The following ITGA8 variants were observed in gnomAD, a reference collection of about 807,000 sequenced individuals.
ITGA8 encodes the protein integrin subunit alpha 8, also known as integrin alpha-8.
ITGA8 carries 91 observed loss-of-function variants against 142.3 expected under a neutral mutation model. The ratio of observed to expected loss-of-function variants is 0.64; its 90% confidence interval spans 0.54 to 0.76. The LOEUF (loss-of-function observed/expected upper bound fraction) is 0.76. Among genes scored for constraint, ITGA8 ranks in the 30% least tolerant of loss-of-function variants. ITGA8 has a pLI of 0.00. For missense variants in ITGA8, 1,406 were observed against 1,327.7 expected (o/e 1.06, Z -0.92); for synonymous variants, 505 against 485.2 (o/e 1.04, Z -0.54).
intron 13 of ITGA8, among the ~76,000 whole-genome samples, chr10:15,626,937 C>T (rs552450353): frequency 3.3e-5 from 5 of 152,174 alleles, no homozygotes; most frequent in South Asian, 4.2e-4. Context: ...GGCAGCCTTG[C>T]GATTGACGGA....
chr10:15,689,916 C>G lies in ITGA8; in HGVS notation c.344-1878G>C, dbSNP rs144510356. ...TCCAAACCCACAGAGGAGCTGCACC[C>G]CTTCGGCGCCAGAACCAACTCATAC... On this transcript the variant is annotated intron_variant, in intron 2 of 29. Transcript: ENST00000378076. Among the ~76,000 whole-genome samples the G allele has an allele frequency of 5.2e-3, 790 of 152,298 alleles. 13 individuals are homozygous for G. Among genetic ancestry groups the G allele is most frequent in the African/African-American group, 0.018 (764 of 41,568 alleles).
intron 12 of ITGA8, 88 bp from the exon 13 acceptor site, chr10:15,644,309 C>G: frequency 1.6e-6 from 2 of 1,283,812 alleles, no homozygotes; most frequent in Non-Finnish European, 2.1e-6. Context: ...ACTCTGTCAC[C>G]CAAGCTGGAG....
chr10:15,625,808 C>T (rs961997649), intron 13 of ITGA8, among the ~76,000 whole-genome samples: 3 of 152,138 alleles, frequency 2.0e-5, no homozygotes, highest in Non-Finnish European at 2.9e-5. Flanking sequence ...TATGAGGGTA[C>T]GGGAGTCCTC....
At chr10:15,646,679 C>T (rs894491536) in intron 12 of ITGA8, among the ~76,000 whole-genome samples, 167 bp downstream of exon 12, 1 of 152,056 alleles carries the variant, frequency 6.6e-6, no homozygotes, top group Admixed American at 6.6e-5. Flanking sequence ...TTATATTAGT[C>T]AAAATGTATA....
At chr10:15,692,375 A>G (rs1417658) in intron 2 of ITGA8, among the ~76,000 whole-genome samples, 140,612 of 152,276 alleles carry the variant, frequency 0.92, 65,548 homozygotes, top group East Asian at 1. Flanking sequence ...GACATTTCAC[A>G]ACTTAAAAGA....
intron 22 of ITGA8, among the ~76,000 whole-genome samples, chr10:15,587,794 T>G (rs1298121607): frequency 2.6e-5 from 4 of 152,338 alleles, no homozygotes; most frequent in African/African-American, 9.6e-5. Flanking sequence ...CTGGGGTTTT[T>G]TCTCTCCAGC....
chr10:15,520,655 C>T (rs1833046731), intron 28 of ITGA8, among the ~76,000 whole-genome samples: 1 of 152,234 alleles, frequency 6.6e-6, no homozygotes, highest in African/African-American at 2.4e-5. Context: ...AGGAGAGACC[C>T]AGCCATGCTG....
intron 26 of ITGA8, among the ~76,000 whole-genome samples, chr10:15,555,651 C>T (rs2131564453): frequency 6.6e-6 from 1 of 151,858 alleles, no homozygotes; most frequent in African/African-American, 2.4e-5. Context: ...GTAGAAAGAA[C>T]TCTAGCACCC....
chr10:15,588,350 A>G (rs763457857), intron 22 of ITGA8, among the ~76,000 whole-genome samples: 21 of 152,222 alleles, frequency 1.4e-4, no homozygotes, highest in Non-Finnish European at 2.8e-4. Context: ...GGAATGGAGC[A>G]TCGCCACTAA....
chr10:15,655,533 G>T (rs753645825), intron 10 of ITGA8, 127 bp from the exon 11 acceptor site: 2 of 707,046 alleles, frequency 2.8e-6, no homozygotes, highest in Non-Finnish European at 4.9e-6. Flanking sequence ...TAGATTCTTC[G>T]AAGTGGCCAG....
At chr10:15,601,702 A>G (rs2131605236) in intron 20 of ITGA8, among the ~76,000 whole-genome samples, 1 of 152,320 alleles carries the variant, frequency 6.6e-6, no homozygotes, top group South Asian at 2.1e-4. Context: ...TGGCTCAACT[A>G]AGGTTTCCTA....
At position 15,644,454 on chromosome 10, in the gene ITGA8, AT is replaced by A. The variant is rs1418496886; in HGVS notation, c.1208-234del. ...GGCTAATATATATATATATATATAT[AT>A]ATATATATATATATATATATATATA... On this transcript the variant is annotated intron_variant, in intron 12 of 29. Transcript: ENST00000378076. Among the ~76,000 whole-genome samples the A allele has an allele frequency of 0.015, 81 of 5,478 alleles. 11 individuals carry two copies. The East Asian group carries it at 0.36, about 25-fold the overall frequency. 3.6% of individuals were successfully genotyped at this position (5,478 alleles called of 152,430 possible).
At chr10:15,613,579 G>A (rs996208327) in intron 15 of ITGA8, 81 bp downstream of exon 15, 57 of 1,013,432 alleles carry the variant, frequency 5.6e-5, no homozygotes, top group Non-Finnish European at 8.4e-5. Flanking sequence ...CAGACTTACT[G>A]AATCCAAATC....
intron 27 of ITGA8, among the ~76,000 whole-genome samples, chr10:15,540,878 A>G (rs57337786): frequency 0.054 from 8,253 of 152,260 alleles, 728 homozygotes; most frequent in African/African-American, 0.19. Flanking sequence ...TTCATTGCTC[A>G]TCAGCATAAG....
At chr10:15,602,551 C>T (rs1028611530) in intron 20 of ITGA8, among the ~76,000 whole-genome samples, 2 of 151,950 alleles carry the variant, frequency 1.3e-5, no homozygotes, top group Non-Finnish European at 2.9e-5. Flanking sequence ...CAGCCTGGGC[C>T]ATATAGCAAA....
rs201360701 is a variant in ITGA8, at chr10:15,678,790, C to T, written c.569-7G>A. On this transcript the variant is annotated splice_region_variant and splice_polypyrimidine_tract_variant and intron_variant, in intron 4 of 29. Coordinates refer to ENST00000378076, the MANE Select transcript of ITGA8 (RefSeq NM_003638.3). The stretch of plus-strand genomic sequence containing the variant: ...CCTTCCGGATCAGCATTGCCTAGAA[C>T]GATCAAAATACATAAATGTTATAAC... 3.0e-5 allele frequency: 47 copies of T among 1,572,220 alleles called. No individual in the cohort carries two copies. The highest frequency in any genetic ancestry group is 2.2e-4 in the Admixed American group (13 of 58,952).
At chr10:15,542,290 C>A (rs994598505) in intron 27 of ITGA8, among the ~76,000 whole-genome samples, 3 of 152,154 alleles carry the variant, frequency 2.0e-5, no homozygotes, top group African/African-American at 7.2e-5. Flanking sequence ...TAGAGAAATG[C>A]TCTTAATCTG....
Position 15,616,533 on chromosome 10 carries a change from C to T in ITGA8, c.1426G>A (p.Gly476Arg), listed in dbSNP as rs1291162911. ...PDLIVGAFGT[G>R]KVAVYRARPV... The stretch of plus-strand genomic sequence containing the variant: ...ACATACCTGTAAACAGCGACTTTTC[C>T]TGTTCCAAATGCACCCACAATCAAA... Residue 476 changes from glycine (G) to arginine (R), a missense_variant, in exon 14 of 30, where the codon GGA (glycine) becomes AGA (arginine). By Grantham distance (125) the Gly-to-Arg change is moderately radical. Transcript: ENST00000378076. 1 of 1,612,176 alleles carries T rather than the reference C, an allele frequency of 6.2e-7. No individual in the cohort carries two copies. The highest frequency in any genetic ancestry group is 1.7e-5 in the Admixed American group (1 of 60,026).
intron 2 of ITGA8, among the ~76,000 whole-genome samples, chr10:15,696,389 A>G (rs561157556): frequency 5.9e-5 from 9 of 152,342 alleles, no homozygotes; most frequent in South Asian, 2.1e-4. Flanking sequence ...GGAGGAATAT[A>G]TGTAATATGT....
Sources: gnomAD v4.1 joint callset for allele counts (sites outside exome capture counted in the v4.1 genomes callset) on GRCh38, gnomAD v4.1.1 for gene constraint, MANE v1.5 for transcripts, NCBI Gene and HGNC (gene_info 2026-07-23, HGNC 2026-07-21) for gene names.